PTH2R: variants seen among roughly 807,000 people sequenced by gnomAD.
PTH2R encodes the protein PTH2 receptor.
In PTH2R, 59 loss-of-function variants were observed where a neutral mutation model predicts 60.3. That is an observed-to-expected ratio of 0.98 (90% CI 0.79 to 1.22). The LOEUF (loss-of-function observed/expected upper bound fraction) is 1.22. Among genes scored for constraint, PTH2R ranks in the 50% most tolerant of loss-of-function variants. The pLI is 0.00. For synonymous variants in PTH2R, 256 were observed against 243.8 expected (o/e 1.05, Z -0.47); for missense variants, 749 against 682.6 (o/e 1.10, Z -1.08).
chr2:208,370,299 C>T (rs1700670973), intron 1 of PTH2R, among the ~76,000 whole-genome samples: 1 of 151,466 alleles, frequency 6.6e-6, no homozygotes, highest in Non-Finnish European at 1.5e-5. Flanking sequence ...AAAAATTAGC[C>T]AGGCATGGTG....
chr2:208,394,639 C>T (rs1701172337), intron 1 of PTH2R, among the ~76,000 whole-genome samples: 4 of 152,210 alleles, frequency 2.6e-5, no homozygotes, highest in South Asian at 4.1e-4. Flanking sequence ...ACCTGTGTGC[C>T]TCCCTAAAAA....
intron 1 of PTH2R, among the ~76,000 whole-genome samples, chr2:208,377,255 C>T (rs1403412838): frequency 2.6e-5 from 4 of 152,134 alleles, no homozygotes. Context: ...AAAATGAAGT[C>T]TCCCATGTCT....
intron 9 of PTH2R, among the ~76,000 whole-genome samples, chr2:208,479,735 G>A (rs1234112189): frequency 6.6e-6 from 1 of 152,154 alleles, no homozygotes; most frequent in Non-Finnish European, 1.5e-5. Context: ...TGGTGGTTAA[G>A]GATTCACAAT....
intron 1 of PTH2R, among the ~76,000 whole-genome samples, chr2:208,399,030 T>C (rs1319671318): frequency 6.6e-6 from 1 of 152,244 alleles, no homozygotes; most frequent in Non-Finnish European, 1.5e-5. Flanking sequence ...AGAGACATCG[T>C]TCAAACAAAG....
chr2:208,369,034 G>C (rs572328092), intron 1 of PTH2R, among the ~76,000 whole-genome samples: 2 of 151,236 alleles, frequency 1.3e-5, no homozygotes, highest in Non-Finnish European at 2.9e-5. Context: ...TAATATTCCT[G>C]GTTTGTAGGA....
At position 208,493,445 on chromosome 2, in the gene PTH2R, A is replaced by G. The variant is rs1703456530; in HGVS notation, c.1439A>G (p.Lys480Arg). ...RMVLISGKAA[K>R]IASRQPDSHI... ...GTGCTTATCTCTGGCAAAGCTGCCAAGATCGCCAGCAGACAGCCTGACAGC... is the reference window on the plus strand; with the variant it reads ...GTGCTTATCTCTGGCAAAGCTGCCAGGATCGCCAGCAGACAGCCTGACAGC... Residue 480 changes from lysine to arginine, a missense_variant, in exon 13 of 13, where the codon AAG becomes AGG. Lys to Arg is a conservative substitution (Grantham distance 26). Transcript: ENST00000272847. The G allele has an allele frequency of 3.1e-6, 5 of 1,610,218 alleles. No individual in the cohort carries two copies. The highest frequency in any genetic ancestry group is 4.2e-6 in the Non-Finnish European group (5 of 1,177,726).
At chr2:208,474,287 A>G (rs1702950236) in intron 9 of PTH2R, among the ~76,000 whole-genome samples, 2 of 152,134 alleles carry the variant, frequency 1.3e-5, no homozygotes, top group Non-Finnish European at 2.9e-5. Flanking sequence ...CAGTAATACT[A>G]CTACTAGTGG....
chr2:208,467,444 G>A (rs2105894085), intron 9 of PTH2R, among the ~76,000 whole-genome samples: 1 of 152,262 alleles, frequency 6.6e-6, no homozygotes, highest in Admixed American at 6.5e-5. Context: ...CTAAGAGATT[G>A]CAAAGAGAAA....
chr2:208,413,386 T>C (rs941205703), intron 1 of PTH2R, among the ~76,000 whole-genome samples: 2 of 152,260 alleles, frequency 1.3e-5, no homozygotes, highest in East Asian at 3.9e-4. Context: ...GAGCCAACCT[T>C]ACCAGAGACA....
chr2:208,402,382 C>T (rs1701325852), upstream of PTH2R, among the ~76,000 whole-genome samples: 1 of 152,128 alleles, frequency 6.6e-6, no homozygotes, highest in South Asian at 2.1e-4. Context: ...AGGAGAAAAC[C>T]AGTATGTTCC....
intron 10 of PTH2R, among the ~76,000 whole-genome samples, chr2:208,483,456 G>T (rs115048351): frequency 6.6e-6 from 1 of 152,130 alleles, no homozygotes; most frequent in African/African-American, 2.4e-5. Flanking sequence ...TCTGAATGAC[G>T]TGAACTAATA....
intron 1 of PTH2R, among the ~76,000 whole-genome samples, chr2:208,398,249 G>A (rs1283002004): frequency 6.6e-6 from 1 of 152,172 alleles, no homozygotes; most frequent in Admixed American, 6.5e-5. Flanking sequence ...TATAATTAGT[G>A]AAATGGTGGT....
intron 2 of PTH2R, among the ~76,000 whole-genome samples, chr2:208,437,228 G>C (rs1702092048): frequency 6.6e-6 from 1 of 152,106 alleles, no homozygotes; most frequent in South Asian, 2.1e-4. Flanking sequence ...TCACAGAAGT[G>C]GTTCACAATG....
At chr2:208,427,055 AT>A (rs1283300854) in intron 1 of PTH2R, among the ~76,000 whole-genome samples, 1 of 152,220 alleles carries the variant, frequency 6.6e-6, no homozygotes, top group African/African-American at 2.4e-5. Context: ...AAAAAAGAAT[AT>A]TTTCGAGTAA....
chr2:208,388,583 T>C (rs563197522), intron 1 of PTH2R, among the ~76,000 whole-genome samples: 10 of 152,344 alleles, frequency 6.6e-5, no homozygotes, highest in African/African-American at 2.4e-4. Context: ...TTGTAACCCC[T>C]GAAGCCTTCT....
At chr2:208,470,258 TC>T (rs1702853521) in intron 9 of PTH2R, among the ~76,000 whole-genome samples, 1 of 152,212 alleles carries the variant, frequency 6.6e-6, no homozygotes, top group African/African-American at 2.4e-5. Context: ...TGTAAATATT[TC>T]CTTCATGCTG....
Position 208,407,099 on chromosome 2 carries a change from G to A in PTH2R, c.56G>A (p.Cys19Tyr). 7.2e-7 allele frequency: 1 copy of A among 1,392,210 alleles called. No individual in the cohort carries two copies. The highest frequency in any genetic ancestry group is 3.0e-5 in the Admixed American group (1 of 33,476). The allele number at this position is 1,392,210 out of a possible 1,614,324, so 86.2% of individuals were successfully genotyped here. A position where few individuals can be genotyped will look rare whatever the true frequency, so the allele number is the denominator to read the frequency against. ...HVWGWLMLGS[C>Y]LLARAQLDSD... ...TGGGGTTGGCTAATGCTCGGCAGCTGCCTCCTGGCCAGAGCCCAGGTAAGA... is the reference window on the plus strand; with the variant it reads ...TGGGGTTGGCTAATGCTCGGCAGCTACCTCCTGGCCAGAGCCCAGGTAAGA... The change falls in exon 1 of 13, where the codon TGC (cysteine) becomes TAC (tyrosine). Residue 19 changes from cysteine (C) to tyrosine (Y), a missense_variant. Transcript: ENST00000272847.
chr2:208,396,659 G>C (rs1701213312), intron 1 of PTH2R, among the ~76,000 whole-genome samples: 1 of 152,296 alleles, frequency 6.6e-6, no homozygotes, highest in Non-Finnish European at 1.5e-5. Context: ...GGAAACAACA[G>C]ATGCTGGAGA....
chr2:208,394,085 G>T (rs1034680322), intron 1 of PTH2R, among the ~76,000 whole-genome samples: 1 of 152,192 alleles, frequency 6.6e-6, no homozygotes, highest in Admixed American at 6.5e-5. Flanking sequence ...GAGTTGTCTT[G>T]AGGGGCAAAG....
Sources: gnomAD v4.1 joint callset for allele counts (sites outside exome capture counted in the v4.1 genomes callset) on GRCh38, gnomAD v4.1.1 for gene constraint, MANE v1.5 for transcripts, NCBI Gene and HGNC (gene_info 2026-07-23, HGNC 2026-07-21) for gene names.